AGBL1: variants seen among roughly 807,000 people sequenced by gnomAD.
AGBL1 encodes cytosolic carboxypeptidase 4.
Under a neutral mutation model 118.9 loss-of-function variants are expected in AGBL1, and 130 were observed. The observed-to-expected ratio is 1.09, with a 90% CI of 0.95 to 1.26. The LOEUF (loss-of-function observed/expected upper bound fraction) is 1.26, where lower values mean the gene tolerates loss of function less well. AGBL1 is among the 50% of genes most tolerant of loss of function. The pLI is 0.00. For missense variants in AGBL1, 1,584 were observed against 1,298.1 expected (o/e 1.22, Z -3.38); for synonymous variants, 555 against 478.9 (o/e 1.16, Z -2.08).
At chr15:86,239,260 C>A (rs539617924) in intron 6 of AGBL1, among the ~76,000 whole-genome samples, 2 of 152,228 alleles carry the variant, frequency 1.3e-5, no homozygotes, top group South Asian at 4.1e-4. Flanking sequence ...ACAAGATTTG[C>A]TTGAAACCAA....
intron 1 of AGBL1, among the ~76,000 whole-genome samples, chr15:86,088,522 A>G (rs1008314531): frequency 6.6e-6 from 1 of 152,174 alleles, no homozygotes; most frequent in African/African-American, 2.4e-5. Context: ...ATCAGCATTT[A>G]TGTGTGATGG....
Position 86,940,060 on chromosome 15 carries a change from C to CTTTTTTTTTTT in AGBL1, c.3222-47909_3222-47899dup, listed in dbSNP as rs5814267. On this transcript the variant is annotated intron_variant, in intron 23 of 24. Transcript: ENST00000441037. ...ACAAACTCAGCTAATTTTGGTAGTC[C>CTTTTTTTTTTT]TTTTTTTTTTTTTTTTTTTTTTTTT... Among the ~76,000 whole-genome samples the CTTTTTTTTTTT allele has an allele frequency of 2.9e-4, 17 of 59,456 alleles. 1 individual carries two copies. Among genetic ancestry groups the CTTTTTTTTTTT allele is most frequent in the Non-Finnish European group, 4.6e-4 (15 of 32,594 alleles). The allele number at this position is 59,456 out of a possible 152,430, so 39.0% of individuals were successfully genotyped here. A position where few individuals can be genotyped will look rare whatever the true frequency, so the allele number is the denominator to read the frequency against.
rs190043327 is a variant in AGBL1, at chr15:86,924,902, C to T, written c.3222-63085C>T. 4.4e-3 allele frequency among the ~76,000 whole-genome samples: 663 copies of T among 151,394 alleles called. 5 individuals carry two copies. Among genetic ancestry groups the T allele is most frequent in the African/African-American group, 0.015 (630 of 41,134 alleles). ...CATCCTGGCTAACATGGTGAAACCC[C>T]GTCTCTACTAAAAATACAAAAAATT... On this transcript the variant is annotated intron_variant, in intron 23 of 24. Transcript: ENST00000441037.
chr15:86,284,576 T>G (rs2079411387), intron 16 of AGBL1, among the ~76,000 whole-genome samples: 1 of 152,212 alleles, frequency 6.6e-6, no homozygotes, highest in African/African-American at 2.4e-5. Context: ...GATTCTCTGA[T>G]GAGTGTATTT....
intron 24 of AGBL1, among the ~76,000 whole-genome samples, chr15:87,022,658 GT>G (rs2081678036): frequency 6.6e-6 from 1 of 152,034 alleles, no homozygotes. Context: ...TTGTCATCGG[GT>G]TATATAAGTT....
rs199948975 is a variant in AGBL1 at position 86,238,775 on chromosome 15, C to T, written c.527-8896C>T. Among the ~76,000 whole-genome samples the T allele has an allele frequency of 7.2e-4, 109 of 152,198 alleles. 3 individuals are homozygous for T. The highest frequency in any genetic ancestry group is 3.7e-3 in the East Asian group (19 of 5,182). Reference sequence around the variant, plus strand: ...GTAGAATGTTGACTCAGAAGAGTTTCGAGTCTTGTGGCGCCTTCTATGTTT... The same window carrying T: ...GTAGAATGTTGACTCAGAAGAGTTTTGAGTCTTGTGGCGCCTTCTATGTTT... On this transcript the variant is annotated intron_variant, in intron 6 of 22. Coordinates refer to ENST00000614907, the MANE Select transcript of AGBL1 (RefSeq NM_001386094.1).
intron 22 of AGBL1, among the ~76,000 whole-genome samples, chr15:86,742,633 G>A (rs2077696387): frequency 6.6e-6 from 1 of 152,138 alleles, no homozygotes; most frequent in African/African-American, 2.4e-5. Context: ...TCTCAGGGCT[G>A]TGGCTTTCCC....
At chr15:86,147,927 ATATTTGCTGTTCTGCAG>A (rs1320339046) in intron 3 of AGBL1, among the ~76,000 whole-genome samples, 1 of 152,330 alleles carries the variant, frequency 6.6e-6, no homozygotes, top group South Asian at 2.1e-4. Context: ...TCAGGCAGCA[ATATTTGCTGTTCTGCAG>A]TATTTGCTGT....
At chr15:86,435,118 G>A (rs1250210832) in intron 18 of AGBL1, among the ~76,000 whole-genome samples, 4 of 152,202 alleles carry the variant, frequency 2.6e-5, no homozygotes, top group Admixed American at 2.6e-4. Flanking sequence ...TTTCTAGGAG[G>A]AAAGGACTAG....
intron 22 of AGBL1, among the ~76,000 whole-genome samples, chr15:86,778,902 G>A (rs1436399046): frequency 3.3e-5 from 5 of 151,902 alleles, no homozygotes; most frequent in East Asian, 1.9e-4. Context: ...TATGTTCAGA[G>A]ATTGCAGTAA....
chr15:86,360,227 G>T (rs765376681), intron 17 of AGBL1, among the ~76,000 whole-genome samples: 5 of 150,728 alleles, frequency 3.3e-5, no homozygotes, highest in Non-Finnish European at 5.9e-5. Flanking sequence ...TGTCTATTTT[G>T]TTGTTTTGTT....
intron 18 of AGBL1, among the ~76,000 whole-genome samples, chr15:86,458,453 T>A (rs1484016661): frequency 1.3e-5 from 2 of 152,184 alleles, no homozygotes; most frequent in Non-Finnish European, 2.9e-5. Context: ...TCTGTTACAA[T>A]TGGATCTAAT....
chr15:86,560,137 TC>T (rs1321088047), intron 21 of AGBL1, among the ~76,000 whole-genome samples: 1 of 150,960 alleles, frequency 6.6e-6, no homozygotes, highest in African/African-American at 2.5e-5. Context: ...TTCTTTTTTT[TC>T]TTGTACTTTT....
chr15:86,213,282 G>A (rs1326234161), intron 5 of AGBL1, among the ~76,000 whole-genome samples: 2 of 152,200 alleles, frequency 1.3e-5, no homozygotes, highest in African/African-American at 4.8e-5. Context: ...AGGATCTTGA[G>A]TATTTGACCT....
chr15:86,276,027 T>C (rs540075781), intron 15 of AGBL1, among the ~76,000 whole-genome samples: 1 of 152,202 alleles, frequency 6.6e-6, no homozygotes, highest in Non-Finnish European at 1.5e-5. Flanking sequence ...GTCTAGTGCA[T>C]AGTAGGTGTT....
At chr15:86,440,531 C>G (rs2082051105) in intron 18 of AGBL1, among the ~76,000 whole-genome samples, 1 of 129,572 alleles carries the variant, frequency 7.7e-6, no homozygotes, top group Non-Finnish European at 1.6e-5. Context: ...TGGAAGTTAA[C>G]CAGTTTATTC....
At chr15:86,581,116 G>A (rs1284028582) in intron 21 of AGBL1, among the ~76,000 whole-genome samples, 1 of 152,106 alleles carries the variant, frequency 6.6e-6, no homozygotes, top group Non-Finnish European at 1.5e-5. Context: ...TATGGAACTT[G>A]ATATTATAAA....
chr15:86,484,892 C>T (rs150033088), intron 18 of AGBL1, among the ~76,000 whole-genome samples: 18 of 152,216 alleles, frequency 1.2e-4, no homozygotes, highest in South Asian at 6.2e-4. Flanking sequence ...AATAGTTTCC[C>T]GGATTGTTCC....
At chr15:86,966,324 C>A (rs2081052422) in intron 23 of AGBL1, among the ~76,000 whole-genome samples, 1 of 136,348 alleles carries the variant, frequency 7.3e-6, no homozygotes, top group African/African-American at 2.7e-5. Flanking sequence ...TGGCCCATAT[C>A]TTTTTTTTTT....
Sources: allele counts gnomAD v4.1 joint callset (sites outside exome capture counted in the v4.1 genomes callset), GRCh38; gene constraint gnomAD v4.1.1; transcripts MANE v1.5; gene names NCBI Gene and HGNC (gene_info 2026-07-23, HGNC 2026-07-21).